Variants in STK31 observed in about 807,000 individuals in gnomAD.
STK31 encodes serine/threonine-protein kinase 31.
A neutral mutation model predicts 129.7 loss-of-function variants in STK31; 89 were observed. That is an observed-to-expected ratio of 0.69 (90% confidence interval 0.58 to 0.82). STK31 has a LOEUF of 0.82. STK31 is among the 40% of genes least tolerant of loss of function. The probability of loss-of-function intolerance (pLI) is 0.00; values close to 1 mark genes in which losing one functional copy is unlikely to be tolerated. For synonymous variants in STK31, 448 were observed against 395.3 expected (o/e 1.13, Z -1.58); for missense variants, 1,187 against 1,176.4 (o/e 1.01, Z -0.13).
intron 11 of STK31, 50 bp downstream of exon 11, chr7:23,762,973 A>G: frequency 6.9e-7 from 1 of 1,451,550 alleles, no homozygotes; most frequent in East Asian, 2.6e-5. Flanking sequence ...AGTTTATTTA[A>G]GAAGTGAAAT....
intron 3 of STK31, 108 bp downstream of exon 3, chr7:23,712,394 C>T (rs2128058477): frequency 1.9e-6 from 2 of 1,032,364 alleles, no homozygotes; most frequent in East Asian, 2.5e-5. Context: ...ATTCTCATTG[C>T]CTAATATTTA....
chr7:23,791,612 CTAAAA>C (rs1791622371), intron 22 of STK31, among the ~76,000 whole-genome samples: 1 of 152,122 alleles, frequency 6.6e-6, no homozygotes, highest in South Asian at 2.1e-4. Context: ...CCCCTTGAAC[CTAAAA>C]TAAAAGTTGG....
chr7:23,787,309 T>C (rs945968363), intron 20 of STK31, among the ~76,000 whole-genome samples: 2 of 152,112 alleles, frequency 1.3e-5, no homozygotes, highest in African/African-American at 4.8e-5. Context: ...GTAATAACAG[T>C]AAAGGAGGCC....
intron 23 of STK31, among the ~76,000 whole-genome samples, chr7:23,816,834 A>C (rs758940753): frequency 6.6e-6 from 1 of 152,180 alleles, no homozygotes; most frequent in African/African-American, 2.4e-5. Flanking sequence ...GAATTATGTA[A>C]AGTTATGAAT....
chr7:23,805,657 A>AT (rs200548733), intron 22 of STK31, among the ~76,000 whole-genome samples: 7 of 150,880 alleles, frequency 4.6e-5, no homozygotes, highest in African/African-American at 7.3e-5. Flanking sequence ...TCATTTTTGA[A>AT]TTTTTTTTGT....
chr7:23,752,847 ATTTT>A lies in STK31; in HGVS notation c.1133+17_1133+20del. ...AAAGAAATGAGGTAGGTAAAAGCAT[ATTTT>A]TCAGAAGGATATTTTAAACTAATTT... On this transcript the variant is annotated intron_variant, in intron 9 of 23. Coordinates refer to ENST00000355870, the MANE Select transcript of STK31 (RefSeq NM_031414.5). 6.6e-7 allele frequency: 1 copy of A among 1,507,872 alleles called. No homozygotes were observed. Among genetic ancestry groups the A allele is most frequent in the Non-Finnish European group, 9.2e-7 (1 of 1,091,124 alleles). 93.4% of individuals were successfully genotyped at this position (1,507,872 alleles called of 1,614,324 possible).
intron 23 of STK31, among the ~76,000 whole-genome samples, chr7:23,829,993 A>G (rs1321649806): frequency 6.6e-6 from 1 of 152,144 alleles, no homozygotes; most frequent in Non-Finnish European, 1.5e-5. Context: ...TCTGTTGCCC[A>G]GGCTGGAGTA....
intron 22 of STK31, among the ~76,000 whole-genome samples, chr7:23,797,799 T>C (rs1335706141): frequency 2.0e-5 from 3 of 152,070 alleles, no homozygotes; most frequent in African/African-American, 7.2e-5. Flanking sequence ...TGAAAAACCC[T>C]TCAAAAAATC....
At chr7:23,727,442 C>T in intron 5 of STK31, 127 bp downstream of exon 5, 1 of 693,778 alleles carries the variant, frequency 1.4e-6, no homozygotes, top group Middle Eastern at 3.5e-4. Context: ...GATTAAAACA[C>T]AGAAGAAATT....
chr7:23,789,189 T>C, intron 21 of STK31, among the ~76,000 whole-genome samples: 1 of 148,922 alleles, frequency 6.7e-6, no homozygotes. Context: ...ACATTTTGTT[T>C]ATATATTCAT....
chr7:23,747,456 A>G (rs1213949691), intron 8 of STK31, among the ~76,000 whole-genome samples: 1 of 151,914 alleles, frequency 6.6e-6, no homozygotes, highest in East Asian at 1.9e-4. Context: ...TGCAAGCCCC[A>G]CCTCCTGGGT....
At chr7:23,796,218 G>A (rs1306937277) in intron 22 of STK31, among the ~76,000 whole-genome samples, 1 of 152,144 alleles carries the variant, frequency 6.6e-6, no homozygotes, top group African/African-American at 2.4e-5. Flanking sequence ...CATGACTTTA[G>A]CCCTATGCCT....
At chr7:23,725,300 C>T (rs969707460) in intron 4 of STK31, among the ~76,000 whole-genome samples, 3 of 134,062 alleles carry the variant, frequency 2.2e-5, no homozygotes, top group African/African-American at 2.9e-5. Flanking sequence ...TTTGGGAGGC[C>T]GAGGCAGGAG....
chr7:23,791,500 A>G (rs532024937), intron 22 of STK31, among the ~76,000 whole-genome samples: 110 of 152,220 alleles, frequency 7.2e-4, no homozygotes, highest in Admixed American at 5.6e-3. Context: ...GGATTGAAAA[A>G]CTACCTGTTA....
At chr7:23,751,907 G>T (rs902610080) in intron 8 of STK31, among the ~76,000 whole-genome samples, 4 of 146,756 alleles carry the variant, frequency 2.7e-5, no homozygotes, top group Non-Finnish European at 4.5e-5. Context: ...TTTATTCGAA[G>T]TTCCTAGAGC....
rs777482829 is a variant in STK31 at position 23,771,085 on chromosome 7, C to T, written c.1794C>T (p.Leu598=). 39 of 1,612,708 alleles carry T rather than the reference C, an allele frequency of 2.4e-5. No individual in the cohort carries two copies. In the East Asian group the frequency reaches 8.7e-4, roughly 36 times the overall value. ...VLQKIHSEER[L]IATVQAKYKD... ...AAAAGATTCATTCAGAGGAAAGGCT[C>T]ATTGCCACAGTACAAGCTAAGTACA... is the stretch of plus-strand genomic sequence containing the variant. The change falls in exon 14 of 24, where the codon CTC becomes CTT. Residue 598 remains leucine (L), a synonymous_variant. Coordinates refer to ENST00000355870, the MANE Select transcript of STK31 (RefSeq NM_031414.5).
chr7:23,721,904 G>A (rs1002781193), intron 4 of STK31: 4 of 381,998 alleles, frequency 1.0e-5, no homozygotes, highest in African/African-American at 6.3e-5. Flanking sequence ...CGTAGTTCTC[G>A]TGCCATGGTT....
intron 16 of STK31, among the ~76,000 whole-genome samples, chr7:23,782,489 A>G (rs1421956021): frequency 1.3e-5 from 2 of 150,188 alleles, no homozygotes; most frequent in Non-Finnish European, 3.0e-5. Context: ...AAAAAAAAAA[A>G]AAAGAAAAGA....
chr7:23,805,203 G>A (rs1392936621), intron 22 of STK31, among the ~76,000 whole-genome samples: 2 of 151,952 alleles, frequency 1.3e-5, no homozygotes, highest in African/African-American at 4.8e-5. Context: ...AGCCTCCTGA[G>A]TAGCTGGGAT....
Sources: gnomAD v4.1 joint callset for allele counts (sites outside exome capture counted in the v4.1 genomes callset) on GRCh38, gnomAD v4.1.1 for gene constraint, MANE v1.5 for transcripts, NCBI Gene and HGNC (gene_info 2026-07-23, HGNC 2026-07-21) for gene names.